PINX1: variants seen among roughly 807,000 people sequenced by gnomAD.
PINX1 encodes the protein PIN2 (TERF1) interacting telomerase inhibitor 1.
Under a neutral mutation model 25.4 loss-of-function variants are expected in PINX1, and 34 were observed. The observed-to-expected ratio is 1.34, with a 90% confidence interval of 1.02 to 1.78. The LOEUF (loss-of-function observed/expected upper bound fraction) is 1.78, where lower values mean the gene tolerates loss of function less well. PINX1 is among the 40% of genes most tolerant of loss of function. PINX1 has a pLI of 0.00. For synonymous variants in PINX1, 197 were observed against 147.7 expected (o/e 1.33, Z -2.42); for missense variants, 592 against 404.9 (o/e 1.46, Z -3.97).
In PINX1 at chr8:10,829,309, A is replaced by G. The variant is rs564772733; in HGVS notation, c.301+2356T>C. Among the ~76,000 whole-genome samples, 6 of 146,056 alleles carry G rather than the reference A, an allele frequency of 4.1e-5. No individual in the cohort carries two copies. The East Asian group carries it at 9.9e-4, about 24-fold the overall frequency. ...TCAAAAAAAAAAAAAAAAAAAAGAG[A>G]GAGAGAAAATAAAACCCTAGATTCT... is the stretch of plus-strand genomic sequence containing the variant. On this transcript the variant is annotated intron_variant, in intron 4 of 6. Coordinates refer to ENST00000314787, the MANE Select transcript of PINX1 (RefSeq NM_017884.6).
intron 6 of PINX1, among the ~76,000 whole-genome samples, chr8:10,801,340 A>C (rs976353606): frequency 3.9e-5 from 6 of 152,272 alleles, no homozygotes; most frequent in African/African-American, 1.4e-4. Flanking sequence ...TTCCTCCAAG[A>C]AAATGATGAC....
rs555234231 is a variant in PINX1 at position 10,838,315 on chromosome 8, TATA to T, written c.19+1420_19+1422del. Among the ~76,000 whole-genome samples the T allele has an allele frequency of 1.4e-4, 22 of 152,352 alleles. No homozygotes were observed. In the South Asian group the frequency reaches 4.3e-3, roughly 30 times the overall value. On this transcript the variant is annotated intron_variant, in intron 1 of 6. Coordinates refer to ENST00000314787, the MANE Select transcript of PINX1 (RefSeq NM_017884.6). Reference sequence around the variant, plus strand: ...AAGAAAACACAAAAATATTACATATTATAATGACAAGGATTTGACAATTTGGAA... The same window carrying T: ...AAGAAAACACAAAAATATTACATATTATGACAAGGATTTGACAATTTGGAA...
At chr8:10,768,295 G>C (rs1301916574) in intron 6 of PINX1, among the ~76,000 whole-genome samples, 1 of 152,212 alleles carries the variant, frequency 6.6e-6, no homozygotes, top group Non-Finnish European at 1.5e-5. Flanking sequence ...GATCTGAGTC[G>C]AATCCTATGA....
At chr8:10,803,648 G>C (rs1357943182) in intron 6 of PINX1, among the ~76,000 whole-genome samples, 2 of 152,172 alleles carry the variant, frequency 1.3e-5, no homozygotes, top group African/African-American at 4.8e-5. Context: ...GATTTGATTA[G>C]ATTTAGGTTC....
chr8:10,826,193 T>C lies in PINX1; in HGVS notation c.353A>G (p.Lys118Arg), dbSNP rs915046019. The C allele has an allele frequency of 3.1e-6, 5 of 1,599,918 alleles. No homozygotes were observed. The African/African-American group carries it at 6.7e-5, about 21-fold the overall frequency. ...KKSFSLEEKS[K>R]ISKNRVHYMK... ...ATAGTGAACACGGTTTTTGGAGATTTTGGACTTTTCCTCAAGGCTAAAAGA... is the reference window on the plus strand; with the variant it reads ...ATAGTGAACACGGTTTTTGGAGATTCTGGACTTTTCCTCAAGGCTAAAAGA... Residue 118 changes from lysine (K) to arginine (R), a missense_variant, in exon 5 of 7, where the codon AAA (lysine) becomes AGA (arginine). Coordinates refer to ENST00000314787, the MANE Select transcript of PINX1 (RefSeq NM_017884.6).
chr8:10,827,311 G>C (rs1054592803), intron 4 of PINX1, among the ~76,000 whole-genome samples: 2 of 152,132 alleles, frequency 1.3e-5, no homozygotes, highest in African/African-American at 2.4e-5. Flanking sequence ...TCAGGGTTTC[G>C]GGAAGGACAA....
chr8:10,780,186 C>A (rs536562496), intron 6 of PINX1, among the ~76,000 whole-genome samples: 1 of 152,132 alleles, frequency 6.6e-6, no homozygotes, highest in Non-Finnish European at 1.5e-5. Flanking sequence ...TTTTTCCTTT[C>A]CAATTCAGAG....
intron 4 of PINX1, among the ~76,000 whole-genome samples, chr8:10,831,034 T>C (rs1230174287): frequency 6.6e-6 from 1 of 152,186 alleles, no homozygotes; most frequent in Non-Finnish European, 1.5e-5. Context: ...AGCCAAGATA[T>C]GGAATCAACC....
At chr8:10,839,461 C>T (rs903649038) in intron 1 of PINX1, among the ~76,000 whole-genome samples, 1 of 152,152 alleles carries the variant, frequency 6.6e-6, no homozygotes, top group African/African-American at 2.4e-5. Flanking sequence ...TCCCGGGACC[C>T]GGTGTTCTGA....
In PINX1 at chr8:10,765,597, G is replaced by C; in HGVS notation, c.791C>G (p.Pro264Arg). The C allele has an allele frequency of 6.2e-7, 1 of 1,613,668 alleles. No homozygotes were observed. The highest frequency in any genetic ancestry group is 8.5e-7 in the Non-Finnish European group (1 of 1,179,818). The change falls in exon 7 of 7, where the codon CCC (proline) becomes CGC (arginine). Residue 264 changes from proline to arginine, a missense_variant. Pro to Arg is a moderately radical substitution (Grantham distance 103, BLOSUM62 -2). Transcript: ENST00000314787. ...GGCCTTGGAACTCTGGTCCCAGCAG[G>C]GGCCTCTGAGCTGCTCTTCTGCTGG... is the stretch of plus-strand genomic sequence containing the variant. ...SAPAEEQLRGPCWDQSSKASA... is the reference protein window; with the variant it reads ...SAPAEEQLRGRCWDQSSKASA...
chr8:10,791,618 A>G (rs995214347), intron 6 of PINX1, among the ~76,000 whole-genome samples: 2 of 152,176 alleles, frequency 1.3e-5, no homozygotes, highest in Non-Finnish European at 2.9e-5. Flanking sequence ...AAACATAGCT[A>G]TATTCTTTTA....
intron 1 of PINX1, among the ~76,000 whole-genome samples, chr8:10,836,491 CGAA>C (rs953313012): frequency 6.6e-6 from 1 of 152,124 alleles, no homozygotes; most frequent in Admixed American, 6.5e-5. Flanking sequence ...AGGGCTTGTA[CGAA>C]GGAGACAGTT....
intron 6 of PINX1, among the ~76,000 whole-genome samples, chr8:10,787,195 TACACATATTTTATGCACACAC>T (rs372504281): frequency 0.01 from 1,553 of 152,094 alleles, 23 homozygotes; most frequent in African/African-American, 0.034. Context: ...TATACACACA[TACACATATTTTATGCACACAC>T]ACACACACGT....
At chr8:10,782,384 G>GT (rs1801612497) in intron 6 of PINX1, among the ~76,000 whole-genome samples, 1 of 151,606 alleles carries the variant, frequency 6.6e-6, no homozygotes, top group Non-Finnish European at 1.5e-5. Flanking sequence ...CTACATATAT[G>GT]TAACTCATAA....
chr8:10,801,262 T>C (rs1005599410), intron 6 of PINX1, among the ~76,000 whole-genome samples: 5 of 152,190 alleles, frequency 3.3e-5, no homozygotes, highest in African/African-American at 1.2e-4. Flanking sequence ...AAAGCGTGCT[T>C]CCAACTCCCC....
intron 5 of PINX1, among the ~76,000 whole-genome samples, chr8:10,824,688 C>T (rs902921922): frequency 2.0e-5 from 3 of 152,200 alleles, no homozygotes; most frequent in Admixed American, 6.5e-5. Flanking sequence ...TGAAATCATG[C>T]ATGCAGTCTG....
chr8:10,767,170 T>C (rs1801078793), intron 6 of PINX1, among the ~76,000 whole-genome samples: 1 of 152,124 alleles, frequency 6.6e-6, no homozygotes, highest in Non-Finnish European at 1.5e-5. Flanking sequence ...CAAATCAGGA[T>C]TCTACTAATG....
intron 6 of PINX1, chr8:10,771,366 A>G (rs1801217138): frequency 6.6e-6 from 1 of 152,214 alleles, no homozygotes; most frequent in Non-Finnish European, 1.5e-5. Context: ...AGTCCCGTGC[A>G]TCACTTTCTT....
chr8:10,773,639 T>C (rs985569562), intron 6 of PINX1, among the ~76,000 whole-genome samples: 3 of 152,194 alleles, frequency 2.0e-5, no homozygotes, highest in African/African-American at 7.2e-5. Flanking sequence ...ACAGAGCTGT[T>C]AATTTTATGT....
Sources: allele counts gnomAD v4.1 joint callset (sites outside exome capture counted in the v4.1 genomes callset), GRCh38; gene constraint gnomAD v4.1.1; transcripts MANE v1.5; gene names NCBI Gene and HGNC (gene_info 2026-07-23, HGNC 2026-07-21).